Variants in TXNRD1 observed in about 807,000 individuals in gnomAD.
The protein encoded by TXNRD1 is thioredoxin reductase 1, cytoplasmic.
In TXNRD1, 57 loss-of-function variants were observed where a neutral mutation model predicts 80.3. The observed-to-expected ratio is 0.71, with a 90% CI of 0.57 to 0.89. The LOEUF is 0.89. Among genes scored for constraint, TXNRD1 ranks in the 40% least tolerant of loss-of-function variants. TXNRD1 has a pLI of 0.00. For synonymous variants in TXNRD1, 291 were observed against 285.2 expected, an observed-to-expected ratio of 1.02 and a Z score of -0.20; for missense variants, 730 against 803.0, an observed-to-expected ratio of 0.91 and a Z score of 1.10.
At chr12:104,303,912 A>G (rs2034757150) in intron 4 of TXNRD1, 2 of 1,561,774 alleles carry the variant, frequency 1.3e-6, no homozygotes, top group Non-Finnish European at 8.6e-7. Flanking sequence ...GCGGCGAAGT[A>G]GGCGGCGGCG....
chr12:104,249,928 G>T (rs1004152276), intron 1 of TXNRD1, among the ~76,000 whole-genome samples: 4 of 97,034 alleles, frequency 4.1e-5, no homozygotes, highest in South Asian at 3.9e-4. Context: ...AGAGCGAGAC[G>T]CCGTCTCAAA....
At chr12:104,327,016 G>T (rs1257228390) in intron 12 of TXNRD1, among the ~76,000 whole-genome samples, 2 of 151,312 alleles carry the variant, frequency 1.3e-5, no homozygotes, top group African/African-American at 4.9e-5. Flanking sequence ...TGGCCAGGCT[G>T]GTCTCCATCT....
intron 2 of TXNRD1, among the ~76,000 whole-genome samples, chr12:104,255,602 G>T (rs1008163088): frequency 2.0e-5 from 3 of 152,060 alleles, no homozygotes; most frequent in Non-Finnish European, 4.4e-5. Context: ...AGACCAGCCT[G>T]ACCAACATGG....
At chr12:104,248,972 G>T (rs567135413) in intron 1 of TXNRD1, among the ~76,000 whole-genome samples, 16 of 152,090 alleles carry the variant, frequency 1.1e-4, no homozygotes, top group Non-Finnish European at 1.8e-4. Context: ...ATGAGCCACC[G>T]CCCCGGGCCC....
intron 9 of TXNRD1, 114 bp downstream of exon 9, chr12:104,319,699 A>T: frequency 1.3e-6 from 1 of 765,114 alleles, no homozygotes; most frequent in Non-Finnish European, 2.2e-6. Context: ...TCTTTGCCAC[A>T]TTGTGCCCTC....
chr12:104,307,760 T>C (rs1412858898), intron 4 of TXNRD1, among the ~76,000 whole-genome samples: 8 of 152,294 alleles, frequency 5.3e-5, no homozygotes, highest in Non-Finnish European at 1.5e-5. Context: ...TGTGCCCTTT[T>C]TGGGGGAGCC....
At chr12:104,304,920 C>T (rs2034830046) in intron 4 of TXNRD1, 8 of 1,587,388 alleles carry the variant, frequency 5.0e-6, no homozygotes, top group East Asian at 2.2e-5. Context: ...GCTATGATTA[C>T]ATACTCCTCA....
chr12:104,263,765 A>G (rs1049398344), intron 3 of TXNRD1, among the ~76,000 whole-genome samples: 2 of 152,182 alleles, frequency 1.3e-5, no homozygotes, highest in Non-Finnish European at 2.9e-5. Flanking sequence ...TCTGATGTGT[A>G]TTATTCATGT....
intron 1 of TXNRD1, among the ~76,000 whole-genome samples, chr12:104,241,485 C>T (rs2032864429): frequency 6.6e-6 from 1 of 152,130 alleles, no homozygotes; most frequent in African/African-American, 2.4e-5. Flanking sequence ...ATTCTCCTGA[C>T]TCAGCCTCCC....
At chr12:104,339,820 T>C (rs1200310411) in intron 16 of TXNRD1, among the ~76,000 whole-genome samples, 1 of 152,216 alleles carries the variant, frequency 6.6e-6, no homozygotes, top group Admixed American at 6.5e-5. Flanking sequence ...TGTGTTTATA[T>C]TGGAGAACTT....
chr12:104,311,480 G>T, intron 5 of TXNRD1, 68 bp downstream of exon 5: 1 of 1,564,232 alleles, frequency 6.4e-7, no homozygotes, highest in South Asian at 1.2e-5. Context: ...ATCCCTGACA[G>T]GGTTCTCTCC....
At chr12:104,252,658 TTTTTTATA>T (rs2033143870) in intron 2 of TXNRD1, among the ~76,000 whole-genome samples, 1 of 10,356 alleles carries the variant, frequency 9.7e-5, no homozygotes, top group African/African-American at 3.8e-4. Flanking sequence ...TAATTTATTA[TTTTTTATA>T]TATATATATA....
chr12:104,281,130 A>G (rs542987731), intron 3 of TXNRD1, among the ~76,000 whole-genome samples: 10 of 151,950 alleles, frequency 6.6e-5, no homozygotes, highest in Non-Finnish European at 1.3e-4. Flanking sequence ...CCCACCTCCC[A>G]TCTTTCTTCC....
At chr12:104,255,499 TTATTTA>T (rs2033228539) in intron 2 of TXNRD1, among the ~76,000 whole-genome samples, 1 of 152,136 alleles carries the variant, frequency 6.6e-6, no homozygotes, top group Admixed American at 6.6e-5. Flanking sequence ...ATTTGCATGC[TTATTTA>T]AACATACAGT....
intron 9 of TXNRD1, 23 bp from the exon 10 acceptor site, chr12:104,321,068 C>CT: frequency 2.9e-6 from 4 of 1,384,218 alleles, no homozygotes; most frequent in Middle Eastern, 1.8e-4. Flanking sequence ...CTTCTTTCTT[C>CT]CTTTTTTTTT....
At chr12:104,297,259 C>G (rs1347783853) in intron 4 of TXNRD1, among the ~76,000 whole-genome samples, 12 of 150,086 alleles carry the variant, frequency 8.0e-5, no homozygotes, top group African/African-American at 2.2e-4. Flanking sequence ...GAGCGGAGAT[C>G]CTGCCATTGC....
intron 3 of TXNRD1, chr12:104,265,221 C>A (rs2033449230): frequency 3.2e-6 from 4 of 1,233,072 alleles, no homozygotes; most frequent in Admixed American, 2.2e-5. Flanking sequence ...CACTGCACTC[C>A]AGCCTGGTGA....
chr12:104,307,810 A>T (rs2034983221), intron 4 of TXNRD1, among the ~76,000 whole-genome samples: 1 of 152,112 alleles, frequency 6.6e-6, no homozygotes, highest in Admixed American at 6.5e-5. Context: ...GGGGAAAGGG[A>T]TTACTATGAC....
At chr12:104,293,918 C>T (rs952310651) in intron 4 of TXNRD1, among the ~76,000 whole-genome samples, 5 of 152,196 alleles carry the variant, frequency 3.3e-5, no homozygotes, top group Non-Finnish European at 4.4e-5. Context: ...GGTCATGTGT[C>T]CACTGGACAG....
Sources: allele counts gnomAD v4.1 joint callset (sites outside exome capture counted in the v4.1 genomes callset), GRCh38; gene constraint gnomAD v4.1.1; transcripts MANE v1.5; gene names NCBI Gene and HGNC (gene_info 2026-07-23, HGNC 2026-07-21).